Variants in CAPN5 observed in about 807,000 individuals in gnomAD.
CAPN5 encodes the protein calpain-5.
CAPN5 carries 54 observed loss-of-function variants against 73.0 expected under a neutral mutation model. That is an observed-to-expected ratio of 0.74 (90% CI 0.59 to 0.93). The LOEUF is 0.93. Ranked by LOEUF, CAPN5 falls within the 40% of genes least tolerant of loss-of-function variation. The pLI, the probability that CAPN5 is intolerant of heterozygous loss-of-function variation, is 0.00. For missense variants in CAPN5, 785 were observed against 882.9 expected (o/e 0.89, Z 1.41); for synonymous variants, 335 against 356.9 (o/e 0.94, Z 0.69).
chr11:77,092,398 A>G (rs1950156919), intron 2 of CAPN5, among the ~76,000 whole-genome samples: 1 of 152,236 alleles, frequency 6.6e-6, no homozygotes, highest in African/African-American at 2.4e-5. Context: ...GCACTGCCTC[A>G]GGGGGCTTTT....
chr11:77,121,955 C>G lies in CAPN5; in HGVS notation c.1509C>G (p.Pro503=). 6.4e-7 allele frequency: 1 copy of G among 1,555,526 alleles called. No individual in the cohort carries two copies. Among genetic ancestry groups the G allele is most frequent in the Non-Finnish European group, 8.7e-7 (1 of 1,149,250 alleles). Residue 503 remains proline (P), a synonymous_variant, in exon 11 of 13, where the codon CCC becomes CCG. Coordinates refer to ENST00000648180, the MANE Select transcript of CAPN5 (RefSeq NM_004055.5). ...TCAGGGAGCTGCGCCTGGATGAGCC[C>G]CCACACACCTGCTGGAGCTCCCTCT... is the stretch of plus-strand genomic sequence containing the variant. ...SNCRELRLDE[P]PHTCWSSLCG...
chr11:77,071,104 G>A (rs944610967), intron 1 of CAPN5, among the ~76,000 whole-genome samples: 8 of 152,268 alleles, frequency 5.3e-5, no homozygotes, highest in Middle Eastern at 3.4e-3. Context: ...TGACAGCAGC[G>A]TCACTGCAGG....
chr11:77,090,001 TTCTGTGC>T (rs1565262338), intron 2 of CAPN5, among the ~76,000 whole-genome samples: 4,698 of 152,290 alleles, frequency 0.031, 256 homozygotes, highest in African/African-American at 0.11. Context: ...GACTTAACCT[TTCTGTGC>T]CTTGGTTTCC....
intron 1 of CAPN5, among the ~76,000 whole-genome samples, chr11:77,075,303 G>A (rs1949957777): frequency 6.6e-6 from 1 of 152,156 alleles, no homozygotes; most frequent in Admixed American, 6.5e-5. Flanking sequence ...CTCAGGTGCA[G>A]AGGAAACCTT....
intron 3 of CAPN5, among the ~76,000 whole-genome samples, chr11:77,111,848 A>G (rs1013290646): frequency 1.5e-4 from 23 of 152,134 alleles, no homozygotes; most frequent in Non-Finnish European, 1.5e-5. Context: ...ATAGTCAGGG[A>G]GGCTTCCTGG....
chr11:77,094,762 G>A (rs1950190313), intron 3 of CAPN5, among the ~76,000 whole-genome samples: 1 of 152,188 alleles, frequency 6.6e-6, no homozygotes, highest in African/African-American at 2.4e-5. Flanking sequence ...CTCTCGGGGA[G>A]TGGTGAGGAT....
intron 1 of CAPN5, among the ~76,000 whole-genome samples, chr11:77,071,187 C>G (rs1284652824): frequency 3.9e-5 from 6 of 152,210 alleles, no homozygotes; most frequent in Admixed American, 1.3e-4. Context: ...CCTGTTTCCC[C>G]CAGGAGGTCA....
intron 3 of CAPN5, among the ~76,000 whole-genome samples, chr11:77,104,486 C>T (rs1022477411): frequency 3.9e-5 from 6 of 152,178 alleles, no homozygotes; most frequent in African/African-American, 7.2e-5. Context: ...AGTGGTGTGA[C>T]GGCAGAATGG....
intron 3 of CAPN5, among the ~76,000 whole-genome samples, chr11:77,104,037 G>GTGCTGTCTCA (rs1950317953): frequency 6.6e-6 from 1 of 152,248 alleles, no homozygotes; most frequent in African/African-American, 2.4e-5. Flanking sequence ...GAGACAGAGT[G>GTGCTGTCTCA]TGCTGTATTC....
intron 7 of CAPN5, among the ~76,000 whole-genome samples, chr11:77,117,926 C>T (rs1950484237): frequency 6.6e-6 from 1 of 152,216 alleles, no homozygotes; most frequent in South Asian, 2.1e-4. Flanking sequence ...GAGATGGGCA[C>T]CTGCTGTTAG....
chr11:77,084,356 G>A (rs782117931), intron 1 of CAPN5, among the ~76,000 whole-genome samples: 25 of 152,334 alleles, frequency 1.6e-4, no homozygotes, highest in African/African-American at 4.6e-4. Context: ...GTGCGGGGAG[G>A]ACCGGAGAGA....
chr11:77,123,251 T>C (rs1950541748), intron 12 of CAPN5, among the ~76,000 whole-genome samples: 4 of 152,152 alleles, frequency 2.6e-5, no homozygotes. Context: ...TAAACAAACA[T>C]TTGGGTCCCC....
intron 5 of CAPN5, 32 bp downstream of exon 5, chr11:77,114,466 C>T (rs1555041357): frequency 6.3e-7 from 1 of 1,587,022 alleles, no homozygotes; most frequent in Non-Finnish European, 8.7e-7. Context: ...GAGGCGACCC[C>T]TCCCCTTCAC....
intron 1 of CAPN5, chr11:77,071,619 C>G: frequency 2.2e-6 from 1 of 454,178 alleles, no homozygotes; most frequent in Non-Finnish European, 4.4e-6. Context: ...GATGAGAATT[C>G]TGAAGCACAA....
intron 3 of CAPN5, among the ~76,000 whole-genome samples, chr11:77,112,092 G>A (rs190253475): frequency 1.3e-5 from 2 of 152,158 alleles, no homozygotes; most frequent in Non-Finnish European, 2.9e-5. Context: ...GTCCCTGGGC[G>A]AGGAGATGGG....
At chr11:77,112,077 C>T (rs1555040807) in intron 3 of CAPN5, among the ~76,000 whole-genome samples, 1 of 152,046 alleles carries the variant, frequency 6.6e-6, no homozygotes. Context: ...GACACTGCTA[C>T]AGTTGTCCCT....
intron 2 of CAPN5, among the ~76,000 whole-genome samples, chr11:77,092,644 G>T (rs529565104): frequency 6.6e-6 from 1 of 152,258 alleles, no homozygotes; most frequent in Non-Finnish European, 1.5e-5. Flanking sequence ...GCGTCTCATG[G>T]AGCAGCCTCT....
chr11:77,078,115 G>T (rs1555034155), intron 1 of CAPN5, among the ~76,000 whole-genome samples: 1 of 151,994 alleles, frequency 6.6e-6, no homozygotes, highest in Non-Finnish European at 1.5e-5. Flanking sequence ...TGTGCTTTTG[G>T]GGTCATATCT....
rs1565266455 is a variant in CAPN5, at chr11:77,097,470, T to TG, written c.297+3657_297+3658insG. 3.4e-3 allele frequency among the ~76,000 whole-genome samples: 470 copies of TG among 137,012 alleles called. 4 individuals are homozygous for TG. Among genetic ancestry groups the TG allele is most frequent in the African/African-American group, 0.014 (457 of 33,098 alleles). The allele number at this position is 137,012 out of a possible 152,430, so 89.9% of individuals were successfully genotyped here. ...TTTCCTGTGTTTCCTTCTAGTTTTTTTTTTTTTTTTTTTTTTTTTATTGAT... is the reference window on the plus strand; with the variant it reads ...TTTCCTGTGTTTCCTTCTAGTTTTTTGTTTTTTTTTTTTTTTTTTTATTGAT... On this transcript the variant is annotated intron_variant, in intron 3 of 12. Coordinates refer to ENST00000648180, the MANE Select transcript of CAPN5 (RefSeq NM_004055.5).
Sources: gnomAD v4.1 joint callset for allele counts (sites outside exome capture counted in the v4.1 genomes callset) on GRCh38, gnomAD v4.1.1 for gene constraint, MANE v1.5 for transcripts, NCBI Gene and HGNC (gene_info 2026-07-23, HGNC 2026-07-21) for gene names.